The following TNPO1 variants were observed in gnomAD, a reference collection of about 807,000 sequenced individuals.
TNPO1 encodes the protein transportin-1.
In TNPO1, 8 loss-of-function variants were observed where a neutral mutation model predicts 119.5. The observed-to-expected ratio is 0.07, with a 90% CI of 0.04 to 0.12. TNPO1 has a LOEUF of 0.12. TNPO1 is among the 10% of genes least tolerant of loss of function. The pLI, the probability that TNPO1 is intolerant of heterozygous loss-of-function variation, is 1.00. For synonymous variants in TNPO1, 362 were observed against 363.0 expected, an observed-to-expected ratio of 1.00 and a Z score of 0.03; for missense variants, 576 against 1,089.8, an observed-to-expected ratio of 0.53 and a Z score of 6.64.
chr5:72,896,782 T>C (rs573724306), intron 19 of TNPO1, among the ~76,000 whole-genome samples: 1 of 152,234 alleles, frequency 6.6e-6, no homozygotes, highest in African/African-American at 2.4e-5. Context: ...GTCAGGAGAA[T>C]CACTTGAACC....
chr5:72,905,791 G>A lies in TNPO1; in HGVS notation c.*35+346G>A, dbSNP rs550674035. The stretch of plus-strand genomic sequence containing the variant: ...GTGCTTTTGTAGTCCCTGCTACTCA[G>A]GAGGCTGAGGTGGGAATATTGTTTG... On this transcript the variant is annotated intron_variant, in intron 24 of 24. Coordinates refer to ENST00000337273, the MANE Select transcript of TNPO1 (RefSeq NM_002270.4). Among the ~76,000 whole-genome samples, 98 of 152,304 alleles carry A rather than the reference G, an allele frequency of 6.4e-4. 1 individual carries two copies. Among genetic ancestry groups the A allele is most frequent in the Admixed American group, 3.4e-3 (52 of 15,306 alleles).
chr5:72,875,838 T>G (rs186802790), intron 8 of TNPO1, 101 bp downstream of exon 8: 98 of 1,326,442 alleles, frequency 7.4e-5, no homozygotes, highest in Middle Eastern at 2.0e-4. Flanking sequence ...TATAAAATAG[T>G]TATAATTGTC....
chr5:72,844,248 G>A (rs1267495282), intron 1 of TNPO1, among the ~76,000 whole-genome samples: 4 of 152,192 alleles, frequency 2.6e-5, no homozygotes, highest in Admixed American at 2.6e-4. Context: ...CTTAAGTCTT[G>A]TGAGGAGATC....
chr5:72,892,872 C>T (rs1749163368), intron 15 of TNPO1, among the ~76,000 whole-genome samples: 1 of 151,728 alleles, frequency 6.6e-6, no homozygotes, highest in East Asian at 1.9e-4. Context: ...AAAATATGAA[C>T]ACATAATACT....
rs1396191048 is a variant in TNPO1 at position 72,913,071 on chromosome 5, A to T, written c.*4398A>T. ...TAAGAAAACTGGTCTTCAGATAGTT[A>T]AGGGCTTGGGATAATTTAAGTGAAA... On this transcript the variant is annotated 3_prime_UTR_variant, in exon 25 of 25. Coordinates refer to ENST00000337273, the MANE Select transcript of TNPO1 (RefSeq NM_002270.4). The T allele has an allele frequency of 6.6e-6, 1 of 152,506 alleles. No individual in the cohort carries two copies. The highest frequency in any genetic ancestry group is 2.4e-5 in the African/African-American group (1 of 41,446). The allele number at this position is 152,506 out of a possible 1,614,324, so 9.4% of individuals were successfully genotyped here.
rs1172971590 is a variant in TNPO1, at chr5:72,912,931, A to G, written c.*4258A>G. The G allele has an allele frequency of 6.6e-6, 1 of 152,536 alleles. No homozygotes were observed. Among genetic ancestry groups the G allele is most frequent in the African/African-American group, 2.4e-5 (1 of 41,452 alleles). The allele number at this position is 152,536 out of a possible 1,614,324, so 9.4% of individuals were successfully genotyped here. A position where few individuals can be genotyped will look rare whatever the true frequency, so the allele number is the denominator to read the frequency against. On this transcript the variant is annotated 3_prime_UTR_variant, in exon 25 of 25. Coordinates refer to ENST00000337273, the MANE Select transcript of TNPO1 (RefSeq NM_002270.4). ...AACTGCAATTTAAGTCCTTCCTTTG[A>G]TAATACTTCAAAACATACACAGCTT...
At chr5:72,836,807 C>CT (rs1170812483) in intron 1 of TNPO1, among the ~76,000 whole-genome samples, 4 of 152,216 alleles carry the variant, frequency 2.6e-5, no homozygotes, top group Admixed American at 2.0e-4. Flanking sequence ...TTTCATCACT[C>CT]TTAAGTCCTG....
At chr5:72,901,813 C>T (rs565031038) in intron 22 of TNPO1, among the ~76,000 whole-genome samples, 12 of 152,260 alleles carry the variant, frequency 7.9e-5, no homozygotes, top group African/African-American at 2.4e-4. Context: ...ACCCAAGATA[C>T]ATCAAATCAA....
In TNPO1 at chr5:72,910,341, C is replaced by T. The variant is rs549345108; in HGVS notation, c.*1668C>T. 6.6e-6 allele frequency: 1 copy of T among 152,620 alleles called. No homozygotes were observed. Among genetic ancestry groups the T allele is most frequent in the Non-Finnish European group, 1.5e-5 (1 of 67,980 alleles). The allele number at this position is 152,620 out of a possible 1,614,324, so 9.5% of individuals were successfully genotyped here. On this transcript the variant is annotated 3_prime_UTR_variant, in exon 25 of 25. Coordinates refer to ENST00000337273, the MANE Select transcript of TNPO1 (RefSeq NM_002270.4). ...TAAGTTAACCCTTTACTTTTCCTTC[C>T]ATGTGTATTTTCTTATATACTGTGA...
intron 12 of TNPO1, among the ~76,000 whole-genome samples, chr5:72,887,575 C>T (rs1374907286): frequency 6.6e-6 from 1 of 152,138 alleles, no homozygotes; most frequent in Non-Finnish European, 1.5e-5. Context: ...GTCCCAGCTA[C>T]TTGGAAGGCT....
intron 9 of TNPO1, among the ~76,000 whole-genome samples, chr5:72,878,134 T>G (rs997261830): frequency 3.3e-5 from 5 of 152,276 alleles, no homozygotes; most frequent in African/African-American, 9.6e-5. Flanking sequence ...ATGACGATTA[T>G]ATATGTGTAC....
At chr5:72,896,022 C>A (rs1214792508) in intron 18 of TNPO1, among the ~76,000 whole-genome samples, 7 of 152,172 alleles carry the variant, frequency 4.6e-5, no homozygotes, top group African/African-American at 2.4e-5. Context: ...TCTGAGAGTC[C>A]ATTTTTTTTT....
chr5:72,873,447 G>C (rs533960213), intron 7 of TNPO1, among the ~76,000 whole-genome samples: 1 of 151,874 alleles, frequency 6.6e-6, no homozygotes, highest in African/African-American at 2.4e-5. Context: ...TTTTTTTCTC[G>C]TCACTTAAAT....
chr5:72,868,657 T>C lies in TNPO1; in HGVS notation c.596+2928T>C, dbSNP rs527396696. On this transcript the variant is annotated intron_variant, in intron 6 of 24. Coordinates refer to ENST00000337273, the MANE Select transcript of TNPO1 (RefSeq NM_002270.4). ...TTAATGGGCCCTCTATTTTATTCTA[T>C]TGCTGTTTCATGACTAAAGCTTCAA... Among the ~76,000 whole-genome samples, 23 of 152,262 alleles carry C rather than the reference T, an allele frequency of 1.5e-4. No individual in the cohort carries two copies. In the South Asian group the frequency reaches 4.8e-3, roughly 32 times the overall value.
At chr5:72,845,074 CTTT>C (rs111512326) in intron 1 of TNPO1, among the ~76,000 whole-genome samples, 1 of 142,540 alleles carries the variant, frequency 7.0e-6, no homozygotes. Flanking sequence ...GTTGAAATGC[CTTT>C]TTTTTTTTTT....
At chr5:72,833,339 A>C (rs771779946) in intron 1 of TNPO1, among the ~76,000 whole-genome samples, 1 of 151,864 alleles carries the variant, frequency 6.6e-6, no homozygotes, top group African/African-American at 2.4e-5. Flanking sequence ...GTCCACCTCT[A>C]CCTCCCTAAG....
chr5:72,860,783 G>C (rs1427439894), intron 4 of TNPO1, among the ~76,000 whole-genome samples: 2 of 152,202 alleles, frequency 1.3e-5, no homozygotes, highest in Non-Finnish European at 2.9e-5. Flanking sequence ...GATTAAGTCA[G>C]GGAGCTATTT....
chr5:72,816,747 G>A lies in TNPO1; in HGVS notation c.10G>A (p.Asp4Asn). Residue 4 changes from aspartate (D) to asparagine (N), a missense_variant, in exon 1 of 25, where the codon GAC becomes AAC. This residue lies in a region of TNPO1 where 57 missense variants were observed against 59.5 expected (regional missense o/e 0.96). Coordinates refer to ENST00000337273, the MANE Select transcript of TNPO1 (RefSeq NM_002270.4). MVW[D>N]RQTKMEYEWK... ...GCCCGAGGCGTCTGGGATGGTGTGG[G>A]ACCGGGTAGGTGGCGTGAGGGTGCG... The A allele has an allele frequency of 1.3e-6, 2 of 1,585,944 alleles. No individual in the cohort carries two copies. The highest frequency in any genetic ancestry group is 1.7e-6 in the Non-Finnish European group (2 of 1,167,958).
intron 6 of TNPO1, chr5:72,871,764 GGTTGTAGCA>G (rs1747425584): frequency 6.6e-6 from 1 of 152,246 alleles, no homozygotes. Context: ...AGAAACTTTG[GGTTGTAGCA>G]GCATAATGGG....
Sources: allele counts gnomAD v4.1 joint callset (sites outside exome capture counted in the v4.1 genomes callset), GRCh38; gene constraint gnomAD v4.1.1; regional missense constraint gnomAD v4.1.1; transcripts MANE v1.5; gene names NCBI Gene and HGNC (gene_info 2026-07-23, HGNC 2026-07-21).